Variants in KNG1 observed in about 807,000 individuals in gnomAD.
KNG1 encodes the protein kininogen-1.
A neutral mutation model predicts 47.8 loss-of-function variants in KNG1; 23 were observed. The observed-to-expected ratio is 0.48, with a 90% CI of 0.35 to 0.68. The LOEUF is 0.68. KNG1 is among the 30% of genes least tolerant of loss of function. The pLI is 0.01. For missense variants in KNG1, 762 were observed against 790.2 expected (o/e 0.96, Z 0.43); for synonymous variants, 277 against 277.0 (o/e 1.00, Z 0.00).
chr3:186,730,729 C>A (rs376403921), intron 5 of KNG1, among the ~76,000 whole-genome samples: 2 of 46,756 alleles, frequency 4.3e-5, no homozygotes, highest in Non-Finnish European at 8.8e-5. Context: ...CACACACACA[C>A]ATATATATAT....
chr3:186,728,416 G>A (rs976855914), intron 5 of KNG1: 1 of 152,010 alleles, frequency 6.6e-6, no homozygotes, highest in African/African-American at 2.4e-5. Context: ...ATTACAGAAT[G>A]GTTAAGTAAA....
At chr3:186,720,269 A>AT (rs1720150473) in intron 2 of KNG1, 54 bp downstream of exon 2, 8 of 1,118,014 alleles carry the variant, frequency 7.2e-6, no homozygotes, top group Non-Finnish European at 1.1e-5. Flanking sequence ...ACCCTGCCAG[A>AT]TTTTTTTACT....
chr3:186,727,835 G>C (rs1393300468), intron 5 of KNG1, among the ~76,000 whole-genome samples: 1 of 152,182 alleles, frequency 6.6e-6, no homozygotes, highest in Non-Finnish European at 1.5e-5. Flanking sequence ...GCCTCCTAAA[G>C]TGCTGGTATT....
At chr3:186,727,763 G>A (rs977676846) in intron 5 of KNG1, among the ~76,000 whole-genome samples, 1 of 151,964 alleles carries the variant, frequency 6.6e-6, no homozygotes, top group African/African-American at 2.4e-5. Context: ...GTAGAGACAG[G>A]GTTTTACCGT....
intron 3 of KNG1, 128 bp from the exon 4 acceptor site, chr3:186,724,960 C>T (rs1720311841): frequency 2.1e-6 from 2 of 950,852 alleles, no homozygotes; most frequent in African/African-American, 1.6e-5. Context: ...ATCTGCCCGC[C>T]TCAGCCTCCC....
chr3:186,742,265 T>G lies in KNG1; in HGVS notation c.1869T>G (p.Ser623Arg). The G allele has an allele frequency of 6.2e-7, 1 of 1,614,224 alleles. No homozygotes were observed. The highest frequency in any genetic ancestry group is 8.5e-7 in the Non-Finnish European group (1 of 1,180,046). ...CTGGACGCCCCTGGAAGTCAGTTAG[T>G]GAAATTAATCCAACCACACAAATGA... ...KCPGRPWKSVSEINPTTQMKE... is the reference protein window; with the variant it reads ...KCPGRPWKSVREINPTTQMKE... Residue 623 changes from serine to arginine, a missense_variant, in exon 10 of 10, where the codon AGT (serine) becomes AGG (arginine). Ser to Arg is a moderately radical substitution (Grantham distance 110). Coordinates refer to ENST00000644859, the MANE Select transcript of KNG1 (RefSeq NM_001102416.3).
At chr3:186,728,139 T>C (rs1390376183) in intron 5 of KNG1, among the ~76,000 whole-genome samples, 3 of 152,226 alleles carry the variant, frequency 2.0e-5, no homozygotes, top group Non-Finnish European at 4.4e-5. Context: ...CTTAGCATCG[T>C]ATCTTGTTAT....
intron 5 of KNG1, among the ~76,000 whole-genome samples, chr3:186,730,950 C>T (rs1720515672): frequency 6.6e-6 from 1 of 150,526 alleles, no homozygotes; most frequent in African/African-American, 2.5e-5. Context: ...TAAATTTTCC[C>T]ACCATATTAT....
intron 4 of KNG1, 108 bp downstream of exon 4, chr3:186,725,368 A>G: frequency 1.9e-6 from 2 of 1,073,494 alleles, no homozygotes; most frequent in Non-Finnish European, 2.8e-6. Context: ...TGACTAGCAC[A>G]GGAAGCGAAG....
Position 186,717,705 on chromosome 3 carries a change from G to A in KNG1, c.163G>A (p.Val55Ile), listed in dbSNP as rs753754696. The change falls in exon 1 of 10, where the codon GTA (valine) becomes ATA (isoleucine). Residue 55 changes from valine (V) to isoleucine (I), a missense_variant. Transcript: ENST00000644859. ...TCAAAACCAAAGTAACAACCAGTTT[G>A]TATTGTACCGCATAACTGAAGCCAC... ...NSQNQSNNQF[V>I]LYRITEATKT... 1.2e-6 allele frequency: 2 copies of A among 1,613,100 alleles called. No homozygotes were observed. The highest frequency in any genetic ancestry group is 3.3e-5 in the Admixed American group (2 of 60,014).
In KNG1 at chr3:186,739,423, C is replaced by A. The variant is rs1026099623; in HGVS notation, c.1125+9C>A. 1.3e-6 allele frequency: 2 copies of A among 1,570,274 alleles called. No homozygotes were observed. Among genetic ancestry groups the A allele is most frequent in the Non-Finnish European group, 1.8e-6 (2 of 1,140,020 alleles). ...GTCAACCACTGGGAATGGTATGATT[C>A]TAATTACAGTCAGCGTGGGGTCAGT... is the stretch of plus-strand genomic sequence containing the variant. On this transcript the variant is annotated intron_variant, in intron 9 of 9. Coordinates refer to ENST00000644859, the MANE Select transcript of KNG1 (RefSeq NM_001102416.3).
At chr3:186,740,893 G>A (rs1388749955) in intron 9 of KNG1, among the ~76,000 whole-genome samples, 1 of 151,992 alleles carries the variant, frequency 6.6e-6, no homozygotes, top group African/African-American at 2.4e-5. Flanking sequence ...CTAGAGATTA[G>A]CTAGTTCAAC....
chr3:186,728,469 A>C (rs1354710400), intron 5 of KNG1: 1 of 152,240 alleles, frequency 6.6e-6, no homozygotes, highest in East Asian at 1.9e-4. Context: ...AGCTATCAAA[A>C]ATTTTTAGTT....
chr3:186,732,383 C>T (rs1422514384), intron 6 of KNG1, 119 bp from the exon 7 acceptor site: 3 of 894,136 alleles, frequency 3.4e-6, no homozygotes, highest in Non-Finnish European at 5.6e-6. Context: ...CCACTCACTA[C>T]TGGGCCTGGG....
At chr3:186,741,302 G>A (rs565343276) in intron 9 of KNG1, among the ~76,000 whole-genome samples, 3 of 151,864 alleles carry the variant, frequency 2.0e-5, no homozygotes, top group Non-Finnish European at 4.4e-5. Context: ...CTATTTTATG[G>A]TATTATTAAC....
At chr3:186,732,799 A>G (rs780234297) in intron 7 of KNG1, 125 bp downstream of exon 7, 29 of 802,646 alleles carry the variant, frequency 3.6e-5, no homozygotes, top group Non-Finnish European at 4.4e-5. Flanking sequence ...TTGGTGCATT[A>G]GATTTGGTAA....
intron 1 of KNG1, among the ~76,000 whole-genome samples, chr3:186,718,928 G>T (rs1720106195): frequency 6.6e-6 from 1 of 152,070 alleles, no homozygotes; most frequent in African/African-American, 2.4e-5. Context: ...TCTTTCAAGA[G>T]TATGTTTAAA....
At chr3:186,740,983 T>TTG (rs55698131) in intron 9 of KNG1, among the ~76,000 whole-genome samples, 8,051 of 151,900 alleles carry the variant, frequency 0.053, 257 homozygotes, top group South Asian at 0.13. Flanking sequence ...TTGTTTTTTT[T>TTG]TTGTTGTTGT....
chr3:186,717,982 C>A, intron 1 of KNG1: 2 of 386,558 alleles, frequency 5.2e-6, no homozygotes, highest in Admixed American at 3.9e-5. Context: ...CACCACCACC[C>A]ACCATCATCA....
Sources: gnomAD v4.1 joint callset for allele counts (sites outside exome capture counted in the v4.1 genomes callset) on GRCh38, gnomAD v4.1.1 for gene constraint, MANE v1.5 for transcripts, NCBI Gene and HGNC (gene_info 2026-07-23, HGNC 2026-07-21) for gene names.